The following RTN4R variants were observed in gnomAD, a reference collection of about 807,000 sequenced individuals.
RTN4R encodes the protein reticulon-4 receptor.
A neutral mutation model predicts 27.7 loss-of-function variants in RTN4R; 4 were observed. The ratio of observed to expected loss-of-function variants is 0.14; its 90% CI spans 0.07 to 0.33. The LOEUF is 0.33. RTN4R is among the 10% of genes least tolerant of loss of function. The pLI, the probability that RTN4R is intolerant of heterozygous loss-of-function variation, is 1.00. For synonymous variants in RTN4R, 290 were observed against 305.6 expected, an observed-to-expected ratio of 0.95 and a Z score of 0.53; for missense variants, 554 against 671.5, an observed-to-expected ratio of 0.83 and a Z score of 1.93.
At chr22:20,267,135 A>G (rs1051901146) in intron 1 of RTN4R, among the ~76,000 whole-genome samples, 1 of 152,274 alleles carries the variant, frequency 6.6e-6, no homozygotes, top group Non-Finnish European at 1.5e-5. Context: ...ATGCACCCTC[A>G]GAGTCCGTGT....
intron 1 of RTN4R, among the ~76,000 whole-genome samples, chr22:20,259,783 C>A (rs941658199): frequency 6.6e-6 from 1 of 152,204 alleles, no homozygotes. Context: ...CTCAACCTCA[C>A]CCCCGCTGCC....
chr22:20,256,870 T>C (rs2051214920), intron 1 of RTN4R, among the ~76,000 whole-genome samples: 1 of 152,190 alleles, frequency 6.6e-6, no homozygotes, highest in African/African-American at 2.4e-5. Flanking sequence ...GGTGAGGCAC[T>C]TCTGTGGGCC....
rs112525813 is a variant in RTN4R, at chr22:20,251,395, G to A, written c.23-8285C>T. On this transcript the variant is annotated intron_variant, in intron 1 of 1. Coordinates refer to ENST00000043402, the MANE Select transcript of RTN4R (RefSeq NM_023004.6). ...CAGGATGCCCTGGACCACCCTCCAC[G>A]GCCTCAGGCCTGGATGCTCCTGCAG... Among the ~76,000 whole-genome samples the A allele has an allele frequency of 3.4e-3, 513 of 151,830 alleles. 7 individuals are homozygous for A. The East Asian group carries it at 0.06, about 18-fold the overall frequency.
chr22:20,259,686 AG>A (rs1219137089), intron 1 of RTN4R, among the ~76,000 whole-genome samples: 1 of 152,118 alleles, frequency 6.6e-6, no homozygotes, highest in African/African-American at 2.4e-5. Flanking sequence ...GAGCCTCCTC[AG>A]CCCCCAGGCC....
chr22:20,252,205 C>A (rs1415091752), intron 1 of RTN4R, among the ~76,000 whole-genome samples: 1 of 151,206 alleles, frequency 6.6e-6, no homozygotes, highest in African/African-American at 2.4e-5. Context: ...TATCATCACA[C>A]CAGCTCTGTG....
intron 1 of RTN4R, chr22:20,249,184 C>T (rs775536923): frequency 3.7e-6 from 2 of 534,158 alleles, no homozygotes; most frequent in African/African-American, 3.8e-5. Flanking sequence ...AATCCAGCAG[C>T]CAGAGCAAGC....
chr22:20,261,989 AAGC>A (rs541186276), intron 1 of RTN4R, among the ~76,000 whole-genome samples: 3 of 152,222 alleles, frequency 2.0e-5, no homozygotes, highest in South Asian at 2.1e-4. Context: ...TGTCTTAGGG[AAGC>A]ACTTGAATCC....
At chr22:20,243,194 G>C in intron 1 of RTN4R, 84 bp from the exon 2 acceptor site, 2 of 1,401,024 alleles carry the variant, frequency 1.4e-6, no homozygotes, top group South Asian at 2.5e-5. Context: ...GGTGGGCCCC[G>C]GAGATTGGGT....
chr22:20,262,160 G>C (rs1335314083), intron 1 of RTN4R, among the ~76,000 whole-genome samples: 1 of 152,232 alleles, frequency 6.6e-6, no homozygotes, highest in African/African-American at 2.4e-5. Context: ...TTTGGGGATG[G>C]GTCGAGGGAA....
chr22:20,243,498 G>A (rs557111190), intron 1 of RTN4R: 11 of 504,266 alleles, frequency 2.2e-5, no homozygotes, highest in African/African-American at 9.7e-5. Context: ...TCCCCGGGGG[G>A]TCCCAGTGGG....
At chr22:20,249,723 G>A (rs972394012) in intron 1 of RTN4R, among the ~76,000 whole-genome samples, 4 of 152,226 alleles carry the variant, frequency 2.6e-5, no homozygotes, top group African/African-American at 9.6e-5. Context: ...GCATGCCGCT[G>A]CGGCAGAGGA....
At chr22:20,243,648 C>A (rs1316080611) in intron 1 of RTN4R, 1 of 414,604 alleles carries the variant, frequency 2.4e-6, no homozygotes, top group Admixed American at 2.8e-5. Context: ...GAGTCGCGTC[C>A]CACAACCACC....
intron 1 of RTN4R, chr22:20,243,687 C>T: frequency 2.6e-6 from 1 of 382,014 alleles, no homozygotes; most frequent in Non-Finnish European, 5.4e-6. Context: ...CTCCACACAT[C>T]CTCCTTTCAA....
chr22:20,242,848 T>C lies in RTN4R; in HGVS notation c.285A>G (p.Arg95=), dbSNP rs754300250. Residue 95 remains arginine, a synonymous_variant, in exon 2 of 2, where the codon CGA becomes CGG. Coordinates refer to ENST00000043402, the MANE Select transcript of RTN4R (RefSeq NM_023004.6). ...GGCCAGTGAAGGCAGCCGCATCAAT[T>C]CGGGCCAGCACATTCGAGTGCAGCC... is the stretch of plus-strand genomic sequence containing the variant. ...ILWLHSNVLA[R]IDAAAFTGLA... 6.2e-7 allele frequency: 1 copy of C among 1,613,000 alleles called. No homozygotes were observed. The highest frequency in any genetic ancestry group is 1.1e-5 in the South Asian group (1 of 91,088).
chr22:20,258,411 C>T (rs1308864903), intron 1 of RTN4R, among the ~76,000 whole-genome samples: 1 of 152,216 alleles, frequency 6.6e-6, no homozygotes, highest in East Asian at 1.9e-4. Flanking sequence ...TCCTCAGACC[C>T]AATGGGGCCA....
chr22:20,267,593 C>G, intron 1 of RTN4R: 1 of 469,154 alleles, frequency 2.1e-6, no homozygotes, highest in Non-Finnish European at 4.4e-6. Flanking sequence ...CCCCATTCAT[C>G]CCACTGTGGA....
chr22:20,258,466 G>A (rs1175703620), intron 1 of RTN4R, among the ~76,000 whole-genome samples: 2 of 152,252 alleles, frequency 1.3e-5, no homozygotes, highest in Non-Finnish European at 2.9e-5. Context: ...TCCTGCCCAT[G>A]GAGTACTCAG....
Position 20,255,709 on chromosome 22 carries a change from G to A in RTN4R, c.22+12362C>T, listed in dbSNP as rs1258862732. Among the ~76,000 whole-genome samples, 1 of 151,150 alleles carries A rather than the reference G, an allele frequency of 6.6e-6. No homozygotes were observed. The highest frequency in any genetic ancestry group is 1.5e-5 in the Non-Finnish European group (1 of 67,854). On this transcript the variant is annotated intron_variant, in intron 1 of 1. Coordinates refer to ENST00000043402, the MANE Select transcript of RTN4R (RefSeq NM_023004.6). The surrounding 1 kb of genome is among the most constrained non-coding windows in gnomAD (Gnocchi z 4.8). Reference sequence around the variant, plus strand: ...ATTCCCCTTACCCCTGCCCGCTCCTGTCCCCTCCTTGTCACAGATCTGAGC... The same window carrying A: ...ATTCCCCTTACCCCTGCCCGCTCCTATCCCCTCCTTGTCACAGATCTGAGC...
chr22:20,243,031 G>A lies in RTN4R; in HGVS notation c.102C>T (p.Tyr34=). ...AGCTTGTCGTCACCTTGGGCTCATT[G>A]TAGCATACGCAGGCACCTGGGCATG... ...AAPCPGACVC[Y]NEPKVTTSCP... is the part of the protein sequence containing the mutation. Residue 34 remains tyrosine, a synonymous_variant, in exon 2 of 2, where the codon TAC becomes TAT. Transcript: ENST00000043402. 1.2e-6 allele frequency: 2 copies of A among 1,604,934 alleles called. No individual in the cohort carries two copies. Among genetic ancestry groups the A allele is most frequent in the Non-Finnish European group, 1.7e-6 (2 of 1,179,928 alleles).
Sources: allele counts gnomAD v4.1 joint callset (sites outside exome capture counted in the v4.1 genomes callset), GRCh38; gene constraint gnomAD v4.1.1; non-coding constraint Gnocchi (gnomAD v3.1); transcripts MANE v1.5; gene names NCBI Gene and HGNC (gene_info 2026-07-23, HGNC 2026-07-21).